The following HNMT variants were observed in gnomAD, a reference collection of about 807,000 sequenced individuals.
HNMT encodes the protein histamine N-methyltransferase.
In HNMT, 30 loss-of-function variants were observed where a neutral mutation model predicts 32.1. The observed-to-expected ratio is 0.93, with a 90% CI of 0.70 to 1.27. HNMT has a LOEUF of 1.27. Ranked by LOEUF, HNMT falls within the 50% of genes most tolerant of loss-of-function variation. The probability of loss-of-function intolerance (pLI) is 0.00; values close to 1 mark genes in which losing one functional copy is unlikely to be tolerated. For missense variants in HNMT, 327 were observed against 346.0 expected (o/e 0.95, Z 0.43); for synonymous variants, 125 against 119.0 (o/e 1.05, Z -0.33).
intron 2 of HNMT, among the ~76,000 whole-genome samples, chr2:138,000,568 A>C (rs569839081): frequency 0.016 from 1 of 64 alleles, no homozygotes; most frequent in Admixed American, 0.5. Flanking sequence ...TCCAGTTGAT[A>C]AAAATCTTAA....
intron 2 of HNMT, among the ~76,000 whole-genome samples, chr2:137,992,305 A>C (rs1196521767): frequency 6.6e-6 from 1 of 152,158 alleles, no homozygotes; most frequent in Non-Finnish European, 1.5e-5. Flanking sequence ...GCATCTGCCT[A>C]ACACAAAGCT....
intron 2 of HNMT, among the ~76,000 whole-genome samples, chr2:137,993,063 G>C (rs979500729): frequency 5.3e-5 from 8 of 152,130 alleles, no homozygotes; most frequent in Non-Finnish European, 7.4e-5. Context: ...CAGCCTCAAA[G>C]ACCAAAACTA....
chr2:137,967,600 A>T (rs1362694519), intron 1 of HNMT: 3 of 152,328 alleles, frequency 2.0e-5, no homozygotes, highest in Non-Finnish European at 4.4e-5. Flanking sequence ...TCCCTGGGCT[A>T]TTTCAATTGA....
chr2:137,995,414 A>G (rs566461504), intron 2 of HNMT, among the ~76,000 whole-genome samples: 15 of 152,290 alleles, frequency 9.8e-5, no homozygotes, highest in South Asian at 8.3e-4. Flanking sequence ...TAGAAACTCT[A>G]GAAGAAATGG....
intron 2 of HNMT, among the ~76,000 whole-genome samples, chr2:137,997,888 G>T (rs930206951): frequency 6.6e-6 from 1 of 152,086 alleles, no homozygotes; most frequent in Admixed American, 6.6e-5. Flanking sequence ...GATGATGCTG[G>T]GAGCCATCAT....
At chr2:137,970,275 G>T in intron 2 of HNMT, 58 bp downstream of exon 2, 1 of 961,522 alleles carries the variant, frequency 1.0e-6, no homozygotes, top group South Asian at 1.8e-5. Context: ...GCTGTGTGAT[G>T]ACAATATTGT....
chr2:137,970,933 A>G (rs867139184), intron 2 of HNMT, among the ~76,000 whole-genome samples: 1 of 86,686 alleles, frequency 1.2e-5, no homozygotes, highest in African/African-American at 4.5e-5. Flanking sequence ...AAAAAAAAAA[A>G]AAAGAAAGAA....
chr2:138,013,810 G>C lies in HNMT; in HGVS notation c.559G>C (p.Gly187Arg). The part of the protein sequence containing the change: ...SGWDKLWKKY[G>R]SRFPQDDLCQ... The stretch of plus-strand genomic sequence containing the variant: ...CTGGGACAAGCTGTGGAAAAAGTAC[G>C]GATCACGCTTTCCCCAGGATGACCT... The change falls in exon 6 of 6, where the codon GGA becomes CGA. Residue 187 changes from glycine to arginine, a missense_variant. Gly to Arg is a moderately radical substitution (Grantham distance 125, BLOSUM62 -2). Coordinates refer to ENST00000280097, the MANE Select transcript of HNMT (RefSeq NM_006895.3). The C allele has an allele frequency of 6.2e-7, 1 of 1,613,244 alleles. No individual in the cohort carries two copies. Among genetic ancestry groups the C allele is most frequent in the Non-Finnish European group, 8.5e-7 (1 of 1,179,596 alleles).
At chr2:137,973,040 C>T (rs1002059142) in intron 2 of HNMT, among the ~76,000 whole-genome samples, 1 of 152,172 alleles carries the variant, frequency 6.6e-6, no homozygotes, top group African/African-American at 2.4e-5. Flanking sequence ...TAATAACAAA[C>T]TCCACCTTGG....
intron 1 of HNMT, among the ~76,000 whole-genome samples, chr2:137,969,616 C>G (rs745865274): frequency 6.6e-6 from 1 of 152,118 alleles, no homozygotes; most frequent in Non-Finnish European, 1.5e-5. Context: ...TCTGTCCACT[C>G]CACTCTATTT....
chr2:137,980,915 T>C (rs547353774), intron 2 of HNMT, among the ~76,000 whole-genome samples: 9 of 152,264 alleles, frequency 5.9e-5, no homozygotes, highest in African/African-American at 2.2e-4. Context: ...CTGTCTTTCA[T>C]ATTGCAGTTC....
intron 2 of HNMT, among the ~76,000 whole-genome samples, chr2:137,978,438 CAT>C (rs985326652): frequency 5.1e-5 from 7 of 137,136 alleles, no homozygotes; most frequent in Non-Finnish European, 1.5e-5. Flanking sequence ...ATATACAATA[CAT>C]ATGATTAGAT....
rs745756308 is a variant in HNMT, at chr2:138,013,874, T to C, written c.623T>C (p.Leu208Pro). ...ACATCAGATGACCTCACTCAGATGCTGGACAACCTAGGGCTTAAGTATGAG... is the reference window on the plus strand; with the variant it reads ...ACATCAGATGACCTCACTCAGATGCCGGACAACCTAGGGCTTAAGTATGAG... ...YITSDDLTQM[L>P]DNLGLKYECY... The change falls in exon 6 of 6, where the codon CTG becomes CCG. Residue 208 changes from leucine to proline, a missense_variant. By Grantham distance (98) the Leu-to-Pro change is moderately conservative. Coordinates refer to ENST00000280097, the MANE Select transcript of HNMT (RefSeq NM_006895.3). 3 of 1,613,838 alleles carry C rather than the reference T, an allele frequency of 1.9e-6. No homozygotes were observed. The highest frequency in any genetic ancestry group is 1.7e-4 in the Middle Eastern group (1 of 6,058).
intron 2 of HNMT, among the ~76,000 whole-genome samples, chr2:137,980,846 A>G (rs987699153): frequency 6.6e-6 from 1 of 152,090 alleles, no homozygotes; most frequent in Non-Finnish European, 1.5e-5. Flanking sequence ...AGGGTGTTGG[A>G]GGGAGATAGA....
intron 2 of HNMT, among the ~76,000 whole-genome samples, chr2:137,971,703 T>C (rs1476601489): frequency 6.6e-6 from 1 of 152,188 alleles, no homozygotes; most frequent in Admixed American, 6.5e-5. Context: ...GCTTAGGACA[T>C]TCTTATTGCT....
chr2:137,966,602 T>A (rs1679965086), intron 1 of HNMT, among the ~76,000 whole-genome samples: 1 of 152,234 alleles, frequency 6.6e-6, no homozygotes, highest in African/African-American at 2.4e-5. Context: ...TTGTTCTCCC[T>A]AGAGTTGACT....
chr2:138,011,332 G>T (rs1469379772), intron 5 of HNMT, among the ~76,000 whole-genome samples: 1 of 152,064 alleles, frequency 6.6e-6, no homozygotes, highest in Non-Finnish European at 1.5e-5. Flanking sequence ...TGGAATAAAA[G>T]ATTTTTAAAT....
At position 138,009,187 on chromosome 2, in the gene HNMT, A is replaced by T. The variant is rs182716803; in HGVS notation, c.523+3962A>T. Among the ~76,000 whole-genome samples, 2 of 152,240 alleles carry T rather than the reference A, an allele frequency of 1.3e-5. 1 individual carries two copies. Among genetic ancestry groups the T allele is most frequent in the East Asian group, 3.9e-4 (2 of 5,172 alleles). ...GATCATTAGTGAAATGAAAATCAAA[A>T]CCACAATGAGATACCATCTCATACC... is the stretch of plus-strand genomic sequence containing the variant. On this transcript the variant is annotated intron_variant, in intron 5 of 5. Transcript: ENST00000280097.
At chr2:137,974,037 T>C (rs1680213513) in intron 2 of HNMT, among the ~76,000 whole-genome samples, 1 of 151,910 alleles carries the variant, frequency 6.6e-6, no homozygotes. Flanking sequence ...TTATAACTGG[T>C]AAATAACACT....
Sources: allele counts gnomAD v4.1 joint callset (sites outside exome capture counted in the v4.1 genomes callset), GRCh38; gene constraint gnomAD v4.1.1; transcripts MANE v1.5; gene names NCBI Gene and HGNC (gene_info 2026-07-23, HGNC 2026-07-21).